The following DPH5 variants were observed in gnomAD, a reference collection of about 807,000 sequenced individuals.
DPH5 encodes the protein diphthamide biosynthesis 5.
DPH5 carries 31 observed loss-of-function variants against 31.6 expected under a neutral mutation model. The observed-to-expected ratio is 0.98, with a 90% CI of 0.74 to 1.32. DPH5 has a LOEUF of 1.32. Among genes scored for constraint, DPH5 ranks in the 40% most tolerant of loss-of-function variants. The probability of loss-of-function intolerance (pLI) is 0.00; values close to 1 mark genes in which losing one functional copy is unlikely to be tolerated. For missense variants in DPH5, 309 were observed against 335.7 expected (o/e 0.92, Z 0.62); for synonymous variants, 120 against 115.0 (o/e 1.04, Z -0.28).
At chr1:101,009,979 T>G (rs181719404) in intron 4 of DPH5, among the ~76,000 whole-genome samples, 176 of 152,324 alleles carry the variant, frequency 1.2e-3, no homozygotes, top group African/African-American at 3.6e-3. Context: ...AAATGTCACC[T>G]TCTTAGAGAT....
At chr1:101,011,245 A>G (rs1043264012) in intron 4 of DPH5, among the ~76,000 whole-genome samples, 1 of 79,982 alleles carries the variant, frequency 1.3e-5, no homozygotes, top group African/African-American at 5.8e-5. Flanking sequence ...AAAACTGTAC[A>G]AAAATGAATC....
Position 100,992,626 on chromosome 1 carries a change from G to A in DPH5, c.634+11C>T. 6.2e-7 allele frequency: 1 copy of A among 1,602,832 alleles called. No homozygotes were observed. The highest frequency in any genetic ancestry group is 8.5e-7 in the Non-Finnish European group (1 of 1,169,892). The stretch of plus-strand genomic sequence containing the variant: ...GGAATAATATGAGAGCCCTTCTAGT[G>A]TCTTGAGTACCTGGTTCTTCTCCTC... On this transcript the variant is annotated intron_variant, in intron 7 of 7. Transcript: ENST00000370109.
chr1:101,001,207 T>C (rs1658839672), intron 5 of DPH5, among the ~76,000 whole-genome samples: 1 of 152,206 alleles, frequency 6.6e-6, no homozygotes, highest in Non-Finnish European at 1.5e-5. Flanking sequence ...AGATATGGAA[T>C]ACTGGAGAGG....
chr1:101,014,307 T>C (rs762855520), intron 3 of DPH5, among the ~76,000 whole-genome samples: 12 of 152,186 alleles, frequency 7.9e-5, no homozygotes, highest in Non-Finnish European at 1.3e-4. Flanking sequence ...CATGAAGATA[T>C]TGCAAGTTTG....
At chr1:101,013,557 TA>T (rs2101249887) in intron 4 of DPH5, 152 bp downstream of exon 4, 2 of 444,204 alleles carry the variant, frequency 4.5e-6, no homozygotes, top group South Asian at 7.3e-5. Flanking sequence ...AAATTAGTGT[TA>T]AAAAATTCAG....
At position 100,990,405 on chromosome 1, in the gene DPH5, T is replaced by C; in HGVS notation, c.*3A>G. The C allele has an allele frequency of 6.2e-7, 1 of 1,612,690 alleles. No homozygotes were observed. The highest frequency in any genetic ancestry group is 8.5e-7 in the Non-Finnish European group (1 of 1,178,744). On this transcript the variant is annotated 3_prime_UTR_variant, in exon 8 of 8. Coordinates refer to ENST00000370109, the MANE Select transcript of DPH5 (RefSeq NM_015958.3). ...TACATCAGACAATGGTAAATATCTA[T>C]GTTCAAAGTCCATTGATGCTTTGAG...
At chr1:101,021,855 C>T in intron 2 of DPH5, 90 bp from the exon 3 acceptor site, 8 of 1,245,800 alleles carry the variant, frequency 6.4e-6, no homozygotes, top group Non-Finnish European at 8.9e-6. Flanking sequence ...CACACACACA[C>T]ACACTCTTTG....
At chr1:101,006,407 C>A (rs1337888094) in intron 4 of DPH5, among the ~76,000 whole-genome samples, 1 of 151,618 alleles carries the variant, frequency 6.6e-6, no homozygotes, top group Non-Finnish European at 1.5e-5. Flanking sequence ...ATGATTAGAA[C>A]CAGTAATAAG....
intron 5 of DPH5, among the ~76,000 whole-genome samples, chr1:100,997,339 G>C (rs921609722): frequency 6.6e-6 from 1 of 152,052 alleles, no homozygotes; most frequent in African/African-American, 2.4e-5. Flanking sequence ...CTTCTGAAAA[G>C]ATAAGTGCTG....
At position 101,014,615 on chromosome 1, in the gene DPH5, G is replaced by A. The variant is rs117694735; in HGVS notation, c.261-797C>T. On this transcript the variant is annotated intron_variant, in intron 3 of 7. Coordinates refer to ENST00000370109, the MANE Select transcript of DPH5 (RefSeq NM_015958.3). ...GGTTGCTAAAGATGGGGGTGGCTGT[G>A]GCAATTTCTTAAAATAAAACAATGA... is the stretch of plus-strand genomic sequence containing the variant. Among the ~76,000 whole-genome samples, 107 of 152,162 alleles carry A rather than the reference G, an allele frequency of 7.0e-4. 1 individual carries two copies. The East Asian group carries it at 0.017, about 24-fold the overall frequency.
intron 5 of DPH5, among the ~76,000 whole-genome samples, chr1:100,998,696 A>C (rs1658594337): frequency 6.6e-6 from 1 of 152,216 alleles, no homozygotes; most frequent in Admixed American, 6.5e-5. Flanking sequence ...TCTAGACATT[A>C]GGAAGAGAAT....
intron 3 of DPH5, among the ~76,000 whole-genome samples, chr1:101,018,004 T>C (rs562740091): frequency 5.3e-5 from 8 of 152,108 alleles, no homozygotes; most frequent in Non-Finnish European, 1.2e-4. Context: ...AGTAGACACA[T>C]ACATATACAC....
At chr1:100,990,716 C>T (rs765393086) in intron 7 of DPH5, 85 bp from the exon 8 acceptor site, 1 of 1,281,112 alleles carries the variant, frequency 7.8e-7, no homozygotes, top group South Asian at 1.3e-5. Flanking sequence ...ACCACAAGTA[C>T]ATTTCAAGAA....
intron 6 of DPH5, among the ~76,000 whole-genome samples, chr1:100,994,856 A>G (rs1208502096): frequency 6.6e-6 from 1 of 152,176 alleles, no homozygotes; most frequent in African/African-American, 2.4e-5. Context: ...ATCCCAACGC[A>G]TTAATTCATT....
At chr1:101,018,509 G>C (rs1197997448) in intron 3 of DPH5, among the ~76,000 whole-genome samples, 1 of 152,090 alleles carries the variant, frequency 6.6e-6, no homozygotes, top group Non-Finnish European at 1.5e-5. Context: ...AAAGTTGCTG[G>C]GATTACAAGC....
chr1:101,006,639 C>G (rs1465296886), intron 4 of DPH5, among the ~76,000 whole-genome samples: 1 of 151,818 alleles, frequency 6.6e-6, no homozygotes, highest in African/African-American at 2.4e-5. Flanking sequence ...CTACATTAGT[C>G]CCTGGACAAC....
At position 100,990,384 on chromosome 1, in the gene DPH5, T is replaced by G; in HGVS notation, c.*24A>C. ...AATCCATATATGGCTGAAATTTACA[T>G]CAGACAATGGTAAATATCTATGTTC... On this transcript the variant is annotated 3_prime_UTR_variant, in exon 8 of 8. Coordinates refer to ENST00000370109, the MANE Select transcript of DPH5 (RefSeq NM_015958.3). 1.2e-6 allele frequency: 2 copies of G among 1,604,124 alleles called. No individual in the cohort carries two copies. Among genetic ancestry groups the G allele is most frequent in the African/African-American group, 2.7e-5 (2 of 74,794 alleles).
chr1:100,999,330 G>T (rs941326815), intron 5 of DPH5, among the ~76,000 whole-genome samples: 10 of 152,086 alleles, frequency 6.6e-5, no homozygotes, highest in African/African-American at 2.4e-4. Flanking sequence ...TATGCCTGTG[G>T]TTCCAGCTAC....
intron 3 of DPH5, among the ~76,000 whole-genome samples, chr1:101,015,549 A>G (rs1660016237): frequency 6.6e-6 from 1 of 152,216 alleles, no homozygotes; most frequent in Non-Finnish European, 1.5e-5. Context: ...TAGGATTTTC[A>G]TAAGGCTATA....
Sources: allele counts gnomAD v4.1 joint callset (sites outside exome capture counted in the v4.1 genomes callset), GRCh38; gene constraint gnomAD v4.1.1; transcripts MANE v1.5; gene names NCBI Gene and HGNC (gene_info 2026-07-23, HGNC 2026-07-21).